Variants in PTH1R observed in about 807,000 individuals in gnomAD.
PTH1R encodes parathyroid hormone/parathyroid hormone-related peptide receptor.
Under a neutral mutation model 70.7 loss-of-function variants are expected in PTH1R, and 32 were observed. The observed-to-expected ratio is 0.45, with a 90% confidence interval of 0.34 to 0.61. PTH1R has a LOEUF of 0.61. Among genes scored for constraint, PTH1R ranks in the 20% least tolerant of loss-of-function variants. The probability of loss-of-function intolerance (pLI) is 0.01; values close to 1 mark genes in which losing one functional copy is unlikely to be tolerated. For synonymous variants in PTH1R, 329 were observed against 324.8 expected (o/e 1.01, Z -0.14); for missense variants, 626 against 792.5 (o/e 0.79, Z 2.52).
rs1326032249 is a variant in PTH1R at position 46,895,774 on chromosome 3, C to T, written c.218C>T (p.Ser73Phe). Residue 73 changes from serine to phenylalanine, a missense_variant, in exon 5 of 16, where the codon TCC (serine) becomes TTC (phenylalanine). Physicochemically the swap from Ser to Phe is radical, Grantham distance 155. Around this residue, in one of 3 missense-constraint regions of PTH1R, gnomAD observed 123 missense variants for 125.7 expected, o/e 0.98. Coordinates refer to ENST00000449590, the MANE Select transcript of PTH1R (RefSeq NM_000316.3). ...MESDKGWTSA[S>F]TSGKPRKDKA... ...TCAGACAAGGGATGGACATCTGCGT[C>T]CACATCAGGGAAGCCCAGGAAAGAT... is the stretch of plus-strand genomic sequence containing the variant. 6.2e-7 allele frequency: 1 copy of T among 1,614,148 alleles called. No homozygotes were observed. Among genetic ancestry groups the T allele is most frequent in the Admixed American group, 1.7e-5 (1 of 60,020 alleles).
intron 3 of PTH1R, among the ~76,000 whole-genome samples, chr3:46,888,513 G>A (rs2031180359): frequency 1.3e-5 from 2 of 152,190 alleles, no homozygotes; most frequent in South Asian, 4.1e-4. Flanking sequence ...CAGAAGGAGA[G>A]TCCTCAGGAA....
chr3:46,894,362 G>A (rs1316786686), intron 4 of PTH1R, among the ~76,000 whole-genome samples: 7 of 152,108 alleles, frequency 4.6e-5, no homozygotes, highest in Non-Finnish European at 2.9e-5. Flanking sequence ...GGTTCTGCAG[G>A]GGTTGAGGCT....
At chr3:46,890,303 T>G (rs1243280645) in intron 3 of PTH1R, among the ~76,000 whole-genome samples, 2 of 151,926 alleles carry the variant, frequency 1.3e-5, no homozygotes, top group Admixed American at 6.6e-5. Flanking sequence ...ACCCAGATAA[T>G]CTCCCCCAGC....
chr3:46,886,420 C>T (rs575670149), intron 3 of PTH1R, among the ~76,000 whole-genome samples: 5 of 152,212 alleles, frequency 3.3e-5, no homozygotes, highest in Admixed American at 6.5e-5. Context: ...TGCAGTAGTG[C>T]GATCTCGGCT....
chr3:46,883,470 G>T lies in PTH1R; in HGVS notation c.-48-42G>T. 1 of 1,135,378 alleles carries T rather than the reference G, an allele frequency of 8.8e-7. No individual in the cohort carries two copies. The highest frequency in any genetic ancestry group is 3.6e-5 in the South Asian group (1 of 28,112). The allele number at this position is 1,135,378 out of a possible 1,614,324, so 70.3% of individuals were successfully genotyped here. A position where few individuals can be genotyped will look rare whatever the true frequency, so the allele number is the denominator to read the frequency against. The stretch of plus-strand genomic sequence containing the variant: ...TCCCATAGGCCGGGGCGTGGGCGGG[G>T]CGGCCAGCCTGACGCAGCTCTGCAC... On this transcript the variant is annotated intron_variant, in intron 2 of 15. Coordinates refer to ENST00000449590, the MANE Select transcript of PTH1R (RefSeq NM_000316.3). The surrounding 1 kb of genome is among the most constrained non-coding windows in gnomAD (Gnocchi z 6.4).
At chr3:46,880,090 G>C (rs571645963) in intron 1 of PTH1R, among the ~76,000 whole-genome samples, 1 of 152,290 alleles carries the variant, frequency 6.6e-6, no homozygotes, top group South Asian at 2.1e-4. Context: ...TAACACTGAA[G>C]AACCACAAGT....
chr3:46,900,164 C>T, intron 10 of PTH1R, among the ~76,000 whole-genome samples: 1 of 152,162 alleles, frequency 6.6e-6, no homozygotes, highest in Non-Finnish European at 1.5e-5. Flanking sequence ...GCCCACAGGT[C>T]AACAGCCACC....
intron 3 of PTH1R, among the ~76,000 whole-genome samples, chr3:46,885,729 C>G (rs1036917827): frequency 3.3e-5 from 5 of 152,100 alleles, no homozygotes; most frequent in Non-Finnish European, 7.4e-5. Flanking sequence ...GACTGAAGGG[C>G]GGGGGCAGCC....
rs2030663652 is a variant in PTH1R, at chr3:46,882,444, G to T, written c.-48-1068G>T. ...GCCCCGACATCCATGGCAAGGCGGG[G>T]GCCGCGGCGGCGCGCTCGGAGTAAG... is the stretch of plus-strand genomic sequence containing the variant. On this transcript the variant is annotated intron_variant, in intron 2 of 15. Transcript: ENST00000449590. The surrounding 1 kb of genome is among the most constrained non-coding windows in gnomAD (Gnocchi z 4.3). 6.6e-6 allele frequency: 1 copy of T among 151,004 alleles called. No homozygotes were observed. The highest frequency in any genetic ancestry group is 1.5e-5 in the Non-Finnish European group (1 of 67,636). The allele number at this position is 151,004 out of a possible 1,614,324, so 9.4% of individuals were successfully genotyped here.
In PTH1R at chr3:46,893,968, C is replaced by A. The variant is rs199670451; in HGVS notation, c.137C>A (p.Ala46Asp). 48 of 1,614,028 alleles carry A rather than the reference C, an allele frequency of 3.0e-5. No individual in the cohort carries two copies. Among genetic ancestry groups the A allele is most frequent in the Non-Finnish European group, 3.8e-5 (45 of 1,180,024 alleles). ...EQIFLLHRAQAQCEKRLKEVL... is the reference protein window; with the variant it reads ...EQIFLLHRAQDQCEKRLKEVL... ...ATCTTCCTGCTGCACCGTGCTCAGG[C>A]CCAGTGCGAAAAACGGCTCAAGGAG... The change falls in exon 4 of 16, where the codon GCC (alanine) becomes GAC (aspartate). Residue 46 changes from alanine (A) to aspartate (D), a missense_variant. Transcript: ENST00000449590. The surrounding 1 kb of genome is among the most constrained non-coding windows in gnomAD (Gnocchi z 5.2).
chr3:46,880,105 T>C (rs2030460872), intron 1 of PTH1R: 1 of 152,264 alleles, frequency 6.6e-6, no homozygotes, highest in Admixed American at 6.5e-5. Flanking sequence ...ACAAGTGTTC[T>C]TTAGGTGCCC....
chr3:46,888,201 A>G (rs1461152709), intron 3 of PTH1R, among the ~76,000 whole-genome samples: 5 of 152,208 alleles, frequency 3.3e-5, no homozygotes, highest in Non-Finnish European at 5.9e-5. Context: ...GCTGATTACC[A>G]GTGACTTCTG....
intron 4 of PTH1R, among the ~76,000 whole-genome samples, chr3:46,894,735 T>A (rs75867505): frequency 6.6e-6 from 1 of 152,170 alleles, no homozygotes; most frequent in South Asian, 2.1e-4. Flanking sequence ...TCCAGGCTGC[T>A]TGGACTCAGC....
At position 46,901,644 on chromosome 3, in the gene PTH1R, C is replaced by T; in HGVS notation, c.1117-122C>T. 7.2e-7 allele frequency: 1 copy of T among 1,388,732 alleles called. No individual in the cohort carries two copies. The highest frequency in any genetic ancestry group is 2.4e-5 in the East Asian group (1 of 41,732). 86.0% of individuals were successfully genotyped at this position (1,388,732 alleles called of 1,614,324 possible). A position where few individuals can be genotyped will look rare whatever the true frequency, so the allele number is the denominator to read the frequency against. On this transcript the variant is annotated intron_variant, in intron 12 of 15. Coordinates refer to ENST00000449590, the MANE Select transcript of PTH1R (RefSeq NM_000316.3). This position sits in a 1 kb window ranked among gnomAD's most constrained non-coding sequence, Gnocchi z 7.3. ...CCACACTCCAGCCCAGAAAGGAAAACCAAGGGCTCAAGGAGCCACCCAGAG... is the reference window on the plus strand; with the variant it reads ...CCACACTCCAGCCCAGAAAGGAAAATCAAGGGCTCAAGGAGCCACCCAGAG...
intron 3 of PTH1R, among the ~76,000 whole-genome samples, chr3:46,888,421 A>T (rs942866997): frequency 2.0e-5 from 3 of 152,212 alleles, no homozygotes; most frequent in Non-Finnish European, 2.9e-5. Flanking sequence ...ATGAGGCGTC[A>T]AGTAGCCTCC....
chr3:46,888,803 G>A (rs907278360), intron 3 of PTH1R, among the ~76,000 whole-genome samples: 2 of 152,184 alleles, frequency 1.3e-5, no homozygotes, highest in Non-Finnish European at 2.9e-5. Context: ...CCACCAGGTC[G>A]TAGCAGCCAA....
At chr3:46,898,052 C>G (rs763141062) in intron 6 of PTH1R, 22 bp from the exon 7 acceptor site, 2 of 1,613,840 alleles carry the variant, frequency 1.2e-6, no homozygotes, top group Admixed American at 1.7e-5. Context: ...CCTGCCGGCC[C>G]TGACCTCCCA....
chr3:46,898,676 C>T lies in PTH1R; in HGVS notation c.653C>T (p.Thr218Met). ...ILAYFRRLHC[T>M]RNYIHMHLFL... ...GCGCCCCGCAGGCGGCTGCACTGCACGCGCAACTACATCCACATGCACCTG... is the reference window on the plus strand; with the variant it reads ...GCGCCCCGCAGGCGGCTGCACTGCATGCGCAACTACATCCACATGCACCTG... Residue 218 changes from threonine to methionine, a missense_variant, in exon 9 of 16, where the codon ACG becomes ATG. Physicochemically the swap from Thr to Met is moderately conservative, Grantham distance 81. Around this residue, in one of 3 missense-constraint regions of PTH1R, gnomAD observed 495 missense variants for 638.7 expected, o/e 0.77. Coordinates refer to ENST00000449590, the MANE Select transcript of PTH1R (RefSeq NM_000316.3). 2.5e-6 allele frequency: 4 copies of T among 1,612,412 alleles called. No homozygotes were observed. The highest frequency in any genetic ancestry group is 3.4e-6 in the Non-Finnish European group (4 of 1,179,772).
rs949442767 is a variant in PTH1R at position 46,892,288 on chromosome 3, C to T, written c.76-1619C>T. 2.0e-5 allele frequency among the ~76,000 whole-genome samples: 3 copies of T among 152,224 alleles called. No homozygotes were observed. Among genetic ancestry groups the T allele is most frequent in the Admixed American group, 1.3e-4 (2 of 15,288 alleles). ...ACCCACAGACGCAAAGGCTAAGGAG[C>T]TGCCGCCTCACTCACAGACGCACAC... is the stretch of plus-strand genomic sequence containing the variant. On this transcript the variant is annotated intron_variant, in intron 3 of 15. Coordinates refer to ENST00000449590, the MANE Select transcript of PTH1R (RefSeq NM_000316.3). This position sits in a 1 kb window ranked among gnomAD's most constrained non-coding sequence, Gnocchi z 5.2.
Sources: gnomAD v4.1 joint callset for allele counts (sites outside exome capture counted in the v4.1 genomes callset) on GRCh38, gnomAD v4.1.1 for gene constraint, gnomAD v4.1.1 regional missense constraint, Gnocchi (gnomAD v3.1) non-coding constraint, MANE v1.5 for transcripts, NCBI Gene and HGNC (gene_info 2026-07-23, HGNC 2026-07-21) for gene names.